The following TRIM37 variants were observed in gnomAD, a reference collection of about 807,000 sequenced individuals.
The protein encoded by TRIM37 is tripartite motif containing 37.
TRIM37 carries 80 observed loss-of-function variants against 129.8 expected under a neutral mutation model. The ratio of observed to expected loss-of-function variants is 0.62; its 90% CI spans 0.51 to 0.74. The LOEUF (loss-of-function observed/expected upper bound fraction) is 0.74. TRIM37 is among the 30% of genes least tolerant of loss of function. TRIM37 has a pLI of 0.00. For missense variants in TRIM37, 1,054 were observed against 1,176.5 expected (o/e 0.90, Z 1.52); for synonymous variants, 389 against 387.1 (o/e 1.00, Z -0.06).
chr17:59,025,092 A>G (rs1239054286), intron 19 of TRIM37, among the ~76,000 whole-genome samples: 1 of 152,206 alleles, frequency 6.6e-6, no homozygotes, highest in Non-Finnish European at 1.5e-5. Flanking sequence ...TTCGACCTCT[A>G]TGAGTTCAAA....
At chr17:59,054,292 CT>C (rs1568109162) in intron 13 of TRIM37, among the ~76,000 whole-genome samples, 1 of 151,944 alleles carries the variant, frequency 6.6e-6, no homozygotes, top group East Asian at 1.9e-4. Flanking sequence ...ACCCAAAAAC[CT>C]TTTTTTGTTT....
intron 19 of TRIM37, among the ~76,000 whole-genome samples, chr17:59,023,243 T>C (rs956157044): frequency 1.3e-5 from 2 of 152,066 alleles, no homozygotes; most frequent in African/African-American, 4.8e-5. Flanking sequence ...GCCCAGGTAA[T>C]TTTTTTGTAT....
At position 59,056,897 on chromosome 17, in the gene TRIM37, G is replaced by A; in HGVS notation, c.1177C>T (p.Gln393Ter). The change falls in exon 13 of 24, where the codon CAA (glutamine) becomes TAA (stop). Residue 393 changes from glutamine to a stop codon, truncating the protein, a stop_gained. Transcript: ENST00000262294. LOFTEE classifies it high-confidence loss of function. ...LLANEGYLNP[Q>*]NDTVILRFQV... The stretch of plus-strand genomic sequence containing the variant: ...TACCTTAAAATCACTGTATCATTTT[G>A]TGGATTCAAGTATCCTTCATTTGCG... The A allele has an allele frequency of 6.2e-7, 1 of 1,613,524 alleles. No individual in the cohort carries two copies. Among genetic ancestry groups the A allele is most frequent in the South Asian group, 1.1e-5 (1 of 91,040 alleles).
At chr17:59,033,062 T>C (rs149434072) in intron 17 of TRIM37, among the ~76,000 whole-genome samples, 52 of 152,296 alleles carry the variant, frequency 3.4e-4, no homozygotes, top group Non-Finnish European at 6.2e-4. Flanking sequence ...AAATACCAGA[T>C]ATGGAAATGT....
At chr17:59,056,692 G>A (rs1330261348) in intron 13 of TRIM37, among the ~76,000 whole-genome samples, 183 bp downstream of exon 13, 1 of 108,022 alleles carries the variant, frequency 9.3e-6, no homozygotes, top group Non-Finnish European at 1.8e-5. Flanking sequence ...ATCGCGCCAG[G>A]GCGACAGAGC....
chr17:59,099,806 C>CT (rs966454062), intron 2 of TRIM37, among the ~76,000 whole-genome samples: 4 of 151,934 alleles, frequency 2.6e-5, no homozygotes, highest in East Asian at 1.9e-4. Flanking sequence ...AAACTATTTC[C>CT]TTTTTTTTCT....
chr17:58,990,046 G>T (rs891382500), intron 24 of TRIM37, among the ~76,000 whole-genome samples: 2 of 151,430 alleles, frequency 1.3e-5, no homozygotes, highest in Non-Finnish European at 2.9e-5. Context: ...TGGACATGGT[G>T]TGTGGCTTGT....
At chr17:59,103,294 G>C (rs2045686459) in intron 2 of TRIM37, among the ~76,000 whole-genome samples, 1 of 152,020 alleles carries the variant, frequency 6.6e-6, no homozygotes, top group African/African-American at 2.4e-5. Context: ...ATGTGCTATT[G>C]GACTCTCGCA....
At chr17:59,060,624 G>C (rs1219223390) in intron 12 of TRIM37, among the ~76,000 whole-genome samples, 1 of 152,156 alleles carries the variant, frequency 6.6e-6, no homozygotes, top group Non-Finnish European at 1.5e-5. Flanking sequence ...AGGGAAACGG[G>C]GAATGGGAAG....
At chr17:59,102,030 A>G (rs1003857511) in intron 2 of TRIM37, among the ~76,000 whole-genome samples, 1 of 152,148 alleles carries the variant, frequency 6.6e-6, no homozygotes, top group Non-Finnish European at 1.5e-5. Context: ...GAATGAACTT[A>G]GAATCGGTTT....
chr17:59,019,301 T>C (rs1161141074), intron 19 of TRIM37, among the ~76,000 whole-genome samples: 1 of 152,130 alleles, frequency 6.6e-6, no homozygotes, highest in Non-Finnish European at 1.5e-5. Context: ...AGCCATACAA[T>C]AAAATATCAT....
At chr17:59,008,936 G>A (rs1012087197) in intron 22 of TRIM37, among the ~76,000 whole-genome samples, 19 of 152,024 alleles carry the variant, frequency 1.2e-4, no homozygotes, top group South Asian at 2.1e-4. Context: ...GACATTCCAC[G>A]TAACTCTTCA....
intron 9 of TRIM37, among the ~76,000 whole-genome samples, chr17:59,067,648 T>C (rs2042020866): frequency 6.6e-6 from 1 of 152,142 alleles, no homozygotes; most frequent in African/African-American, 2.4e-5. Flanking sequence ...TTTTCTTTTC[T>C]GCCTCAGCCT....
intron 6 of TRIM37, among the ~76,000 whole-genome samples, 182 bp downstream of exon 6, chr17:59,080,915 G>A (rs548635028): frequency 6.6e-6 from 1 of 152,058 alleles, no homozygotes; most frequent in Non-Finnish European, 1.5e-5. Flanking sequence ...CAAGCCAGGG[G>A]CTTTGTATGC....
rs532325984 is a variant in TRIM37, at chr17:59,015,642, C to T, written c.2544G>A (p.Ala848=). Residue 848 remains alanine, a synonymous_variant, in exon 21 of 24, where the codon GCG becomes GCA. Coordinates refer to ENST00000262294, the MANE Select transcript of TRIM37 (RefSeq NM_015294.6). Reference sequence around the variant, plus strand: ...TGACCATTTTCCTCCTTTTCTCAACCGCAGGCAAGCCACTGAAAACTGCAA... The same window carrying T: ...TGACCATTTTCCTCCTTTTCTCAACTGCAGGCAAGCCACTGAAAACTGCAA... The part of the protein sequence containing the change: ...VVVAVFSGLP[A]VEKRRKMVTL... 9.9e-5 allele frequency: 160 copies of T among 1,614,006 alleles called. No individual in the cohort carries two copies. Among genetic ancestry groups the T allele is most frequent in the Middle Eastern group, 1.7e-4 (1 of 6,050 alleles).
chr17:59,075,767 T>C (rs190476547), intron 7 of TRIM37, 53 bp from the exon 8 acceptor site: 3 of 1,308,418 alleles, frequency 2.3e-6, no homozygotes, highest in Non-Finnish European at 3.3e-6. Flanking sequence ...GGTTTAAGAA[T>C]GAAATTAACT....
At chr17:59,043,044 A>G (rs2039426068) in intron 16 of TRIM37, among the ~76,000 whole-genome samples, 1 of 152,122 alleles carries the variant, frequency 6.6e-6, no homozygotes, top group African/African-American at 2.4e-5. Context: ...CATCCAAAAA[A>G]AGCCCAAATT....
chr17:59,050,929 G>A (rs111532224), intron 14 of TRIM37, among the ~76,000 whole-genome samples: 2 of 152,034 alleles, frequency 1.3e-5, no homozygotes, highest in Middle Eastern at 3.2e-3. Context: ...GCAGTGAGCC[G>A]AGATTGCACC....
At chr17:59,033,693 T>C (rs902534427) in intron 17 of TRIM37, among the ~76,000 whole-genome samples, 1 of 151,952 alleles carries the variant, frequency 6.6e-6, no homozygotes, top group African/African-American at 2.4e-5. Flanking sequence ...GGATTACAGG[T>C]GTGAGCCACC....
Sources: allele counts gnomAD v4.1 joint callset (sites outside exome capture counted in the v4.1 genomes callset), GRCh38; gene constraint gnomAD v4.1.1; transcripts MANE v1.5; gene names NCBI Gene and HGNC (gene_info 2026-07-23, HGNC 2026-07-21).